The following FRMPD3 variants were observed in gnomAD, a reference collection of about 807,000 sequenced individuals.
FRMPD3 encodes the protein FERM and PDZ domain-containing protein 3.
Under a neutral mutation model 97.9 loss-of-function variants are expected in FRMPD3, and 42 were observed. The observed-to-expected ratio is 0.43, with a 90% CI of 0.34 to 0.55. FRMPD3 has a LOEUF of 0.55. Ranked by LOEUF, FRMPD3 falls within the 20% of genes least tolerant of loss-of-function variation. The probability of loss-of-function intolerance (pLI) is 0.03; values close to 1 mark genes in which losing one functional copy is unlikely to be tolerated. For synonymous variants in FRMPD3, 577 were observed against 581.1 expected (o/e 0.99, Z 0.10); for missense variants, 1,303 against 1,457.7 (o/e 0.89, Z 1.73).
chrX:107,492,905 T>G (rs1486227450), intron 1 of FRMPD3, among the ~76,000 whole-genome samples: 1 of 111,079 alleles, frequency 9.0e-6, no homozygotes, highest in Non-Finnish European at 1.9e-5. Flanking sequence ...CAGCAGGGCA[T>G]GGTGGCTTAC....
At chrX:107,599,703 G>T (rs1416336660) in intron 14 of FRMPD3, among the ~76,000 whole-genome samples, 3 of 111,980 alleles carry the variant, frequency 2.7e-5, no homozygotes. Context: ...ATGGTAATTT[G>T]CCATAAAACT....
At chrX:107,564,749 C>T (rs1302579597) in intron 11 of FRMPD3, 138 bp from the exon 12 acceptor site, 2 of 616,692 alleles carry the variant, frequency 3.2e-6, no homozygotes, top group Admixed American at 5.7e-5. Flanking sequence ...GGTTGTCCTA[C>T]TGTGGCACTG....
At chrX:107,516,573 T>A (rs1273184865) in intron 1 of FRMPD3, among the ~76,000 whole-genome samples, 1 of 111,897 alleles carries the variant, frequency 8.9e-6, no homozygotes, top group African/African-American at 3.3e-5. Context: ...CCATTCGAAC[T>A]GGTGTGAGAT....
At chrX:107,543,601 A>G (rs1278512412) in intron 4 of FRMPD3, among the ~76,000 whole-genome samples, 2 of 110,537 alleles carry the variant, frequency 1.8e-5, no homozygotes, top group African/African-American at 6.6e-5. Context: ...GGATCACTTG[A>G]GGTCAGTAGT....
chrX:107,530,041 ACCT>A (rs1922868934), intron 2 of FRMPD3, among the ~76,000 whole-genome samples: 1 of 111,641 alleles, frequency 9.0e-6, no homozygotes. Flanking sequence ...GTTCTAGAGT[ACCT>A]CCCTTGCCTT....
In FRMPD3 at chrX:107,602,715, G is replaced by C; in HGVS notation, c.4676G>C (p.Arg1559Pro). ...AGCAGCAGCAGCCCTGAGGCCTCCC[G>C]CACTCAGGAGATTGACCTCCGTGTG... is the stretch of plus-strand genomic sequence containing the variant. ...TCSSSSPEAS[R>P]TQEIDLRVST... Residue 1559 changes from arginine (R) to proline (P), a missense_variant, in exon 15 of 15, where the codon CGC (arginine) becomes CCC (proline). Physicochemically the swap from Arg to Pro is moderately radical, Grantham distance 103 (BLOSUM62 -2). This residue lies in a region of FRMPD3 where 764 missense variants were observed against 820.2 expected (regional missense o/e 0.93). Coordinates refer to ENST00000683843, the MANE Select transcript of FRMPD3 (RefSeq NM_001388459.1). 1.7e-6 allele frequency: 2 copies of C among 1,208,680 alleles called. No homozygotes were observed. The highest frequency in any genetic ancestry group is 2.2e-6 in the Non-Finnish European group (2 of 895,011).
chrX:107,518,894 A>G (rs1177970189), intron 1 of FRMPD3, among the ~76,000 whole-genome samples: 1 of 112,671 alleles, frequency 8.9e-6, no homozygotes, highest in Non-Finnish European at 1.9e-5. Context: ...TAGTCTTAAA[A>G]GGAAGGAAAT....
At chrX:107,585,125 T>C (rs1923586915) in intron 13 of FRMPD3, among the ~76,000 whole-genome samples, 1 of 111,643 alleles carries the variant, frequency 9.0e-6, no homozygotes, top group South Asian at 3.8e-4. Context: ...CCTTGAGCAG[T>C]GGTTTGTAGT....
chrX:107,463,939 G>A (rs1479371503), intron 1 of FRMPD3, among the ~76,000 whole-genome samples: 1 of 112,098 alleles, frequency 8.9e-6, no homozygotes, highest in Non-Finnish European at 1.9e-5. Context: ...TGGAGCTAGG[G>A]GACCAGGTAG....
In FRMPD3 at chrX:107,481,144, C is replaced by A. The variant is rs747753454; in HGVS notation, c.-8+31139C>A. On this transcript the variant is annotated intron_variant, in intron 1 of 14. Coordinates refer to ENST00000683843, the MANE Select transcript of FRMPD3 (RefSeq NM_001388459.1). ...GAGAGGAAATGTCAAAAGGACGGACCTGTGACTCAGTCACCCGGACCTCCC... is the reference window on the plus strand; with the variant it reads ...GAGAGGAAATGTCAAAAGGACGGACATGTGACTCAGTCACCCGGACCTCCC... 4.5e-5 allele frequency among the ~76,000 whole-genome samples: 5 copies of A among 111,812 alleles called. No individual in the cohort carries two copies. The South Asian group carries it at 1.9e-3, about 43-fold the overall frequency.
chrX:107,525,800 G>T (rs1177361193), intron 1 of FRMPD3: 1 of 448,353 alleles, frequency 2.2e-6, no homozygotes, highest in African/African-American at 2.4e-5. Flanking sequence ...GATGAGCCAG[G>T]CATGGTGGCT....
chrX:107,592,994 T>C (rs745928656), intron 13 of FRMPD3, among the ~76,000 whole-genome samples: 1 of 110,237 alleles, frequency 9.1e-6, no homozygotes, highest in African/African-American at 3.3e-5. Context: ...GTCAGGCTGG[T>C]CTCGAACTCC....
chrX:107,560,599 CT>C, intron 9 of FRMPD3, 127 bp from the exon 10 acceptor site: 2 of 918,297 alleles, frequency 2.2e-6, no homozygotes, highest in Non-Finnish European at 3.0e-6. Flanking sequence ...ATCCCTGTCC[CT>C]TTTTCTTTCT....
At chrX:107,541,532 T>G (rs760805857) in intron 4 of FRMPD3, among the ~76,000 whole-genome samples, 27 of 112,654 alleles carry the variant, frequency 2.4e-4, no homozygotes, top group Non-Finnish European at 3.9e-4. Flanking sequence ...TTATAATCCC[T>G]GAAAATATTG....
intron 1 of FRMPD3, among the ~76,000 whole-genome samples, chrX:107,462,027 C>G: frequency 9.1e-6 from 1 of 110,241 alleles, no homozygotes; most frequent in Middle Eastern, 4.7e-3. Context: ...CTCTAACCAA[C>G]AAGCTCAAGT....
intron 12 of FRMPD3, among the ~76,000 whole-genome samples, chrX:107,571,123 G>A (rs1427598750): frequency 3.6e-5 from 4 of 111,846 alleles, no homozygotes; most frequent in Non-Finnish European, 7.5e-5. Context: ...AAGCACATAA[G>A]GTGGAAAAAG....
rs774565570 is a variant in FRMPD3, at chrX:107,597,468, A to G, written c.1589A>G (p.Tyr530Cys). 3 of 1,209,097 alleles carry G rather than the reference A, an allele frequency of 2.5e-6. No individual in the cohort carries two copies. The African/African-American group carries it at 5.2e-5, about 21-fold the overall frequency. ...GACTCTGAGCTTGTCAGCTTCTGCTACCTCCATATGCGGGAACAAAGGAAG... is the reference window on the plus strand; with the variant it reads ...GACTCTGAGCTTGTCAGCTTCTGCTGCCTCCATATGCGGGAACAAAGGAAG... ...PADSELVSFC[Y>C]LHMREQRKEQ... Residue 530 changes from tyrosine to cysteine, a missense_variant, in exon 14 of 15, where the codon TAC (tyrosine) becomes TGC (cysteine). Physicochemically the swap from Tyr to Cys is radical, Grantham distance 194. Coordinates refer to ENST00000683843, the MANE Select transcript of FRMPD3 (RefSeq NM_001388459.1).
intron 1 of FRMPD3, among the ~76,000 whole-genome samples, chrX:107,478,205 A>G (rs1440865227): frequency 8.9e-6 from 1 of 112,490 alleles, no homozygotes; most frequent in African/African-American, 3.2e-5. Flanking sequence ...GTCAAAAAAT[A>G]GAGGGTTAGA....
At position 107,601,464 on chromosome X, in the gene FRMPD3, G is replaced by A. The variant is rs1924502665; in HGVS notation, c.3425G>A (p.Ser1142Asn). 1 of 1,169,942 alleles carries A rather than the reference G, an allele frequency of 8.5e-7. No homozygotes were observed. ...CAGAGCCCCAGCTGCCAGTCAAGAAGCCACAGCCCCAGCTGCCAGCCTCAT... is the reference window on the plus strand; with the variant it reads ...CAGAGCCCCAGCTGCCAGTCAAGAAACCACAGCCCCAGCTGCCAGCCTCAT... ...ALQSPSCQSRSHSPSCQPHGH... is the reference protein window; with the variant it reads ...ALQSPSCQSRNHSPSCQPHGH... The change falls in exon 15 of 15, where the codon AGC becomes AAC. Residue 1142 changes from serine (S) to asparagine (N), a missense_variant. Coordinates refer to ENST00000683843, the MANE Select transcript of FRMPD3 (RefSeq NM_001388459.1).
Sources: gnomAD v4.1 joint callset for allele counts (sites outside exome capture counted in the v4.1 genomes callset) on GRCh38, gnomAD v4.1.1 for gene constraint, gnomAD v4.1.1 regional missense constraint, MANE v1.5 for transcripts, NCBI Gene and HGNC (gene_info 2026-07-23, HGNC 2026-07-21) for gene names.